The following PLCE1 variants were observed in gnomAD, a reference collection of about 807,000 sequenced individuals.
PLCE1 encodes 1-phosphatidylinositol 4,5-bisphosphate phosphodiesterase epsilon-1.
Under a neutral mutation model 242.8 loss-of-function variants are expected in PLCE1, and 119 were observed. The observed-to-expected ratio is 0.49, with a 90% confidence interval of 0.42 to 0.57. The LOEUF is 0.57. Among genes scored for constraint, PLCE1 ranks in the 20% least tolerant of loss-of-function variants. The probability of loss-of-function intolerance (pLI) is 0.00; values close to 1 mark genes in which losing one functional copy is unlikely to be tolerated. For synonymous variants in PLCE1, 945 were observed against 1,017.4 expected (o/e 0.93, Z 1.35); for missense variants, 2,441 against 2,788.8 (o/e 0.88, Z 2.81).
At chr10:94,194,379 C>T (rs1213186325) in intron 4 of PLCE1, among the ~76,000 whole-genome samples, 1 of 152,212 alleles carries the variant, frequency 6.6e-6, no homozygotes, top group Non-Finnish European at 1.5e-5. Flanking sequence ...TTGCTCTTCA[C>T]TGCTGACCAA....
chr10:94,139,745 G>A (rs1472524256), intron 3 of PLCE1, among the ~76,000 whole-genome samples: 1 of 152,066 alleles, frequency 6.6e-6, no homozygotes, highest in East Asian at 1.9e-4. Flanking sequence ...AGGGAGCCAG[G>A]GCTGGGTGGG....
intron 1 of PLCE1, among the ~76,000 whole-genome samples, chr10:94,018,422 G>T (rs917934439): frequency 6.6e-6 from 1 of 152,158 alleles, no homozygotes; most frequent in African/African-American, 2.4e-5. Context: ...AGAAGGCAAG[G>T]CCAACCCATG....
chr10:94,089,225 G>A (rs868343922), intron 2 of PLCE1: 2 of 1,614,086 alleles, frequency 1.2e-6, no homozygotes, highest in Middle Eastern at 3.3e-4. Flanking sequence ...CTCTTAGGCA[G>A]AGAGCCCCAG....
intron 7 of PLCE1, among the ~76,000 whole-genome samples, chr10:94,241,585 T>C (rs2050503968): frequency 6.6e-6 from 1 of 150,402 alleles, no homozygotes; most frequent in Non-Finnish European, 1.5e-5. Context: ...AGGTCAGGAG[T>C]TCAAGACCAG....
intron 4 of PLCE1, among the ~76,000 whole-genome samples, chr10:94,222,607 C>T (rs950318571): frequency 6.6e-6 from 1 of 152,212 alleles, no homozygotes; most frequent in Non-Finnish European, 1.5e-5. Flanking sequence ...TTATCAGACT[C>T]CTGAAGGCAG....
chr10:94,253,197 A>G lies in PLCE1; in HGVS notation c.3279+699A>G, dbSNP rs115410025. On this transcript the variant is annotated intron_variant, in intron 9 of 32. Coordinates refer to ENST00000371380, the MANE Select transcript of PLCE1 (RefSeq NM_016341.4). ...GGTAATTTATAAAGAAAGAAGGTTA[A>G]TTGACTCACAGTTCTGCAGGTGTAC... Among the ~76,000 whole-genome samples, 153 of 152,326 alleles carry G rather than the reference A, an allele frequency of 1.0e-3. 1 individual carries two copies. Among genetic ancestry groups the G allele is most frequent in the African/African-American group, 3.5e-3 (145 of 41,560 alleles).
intron 4 of PLCE1, among the ~76,000 whole-genome samples, chr10:94,222,550 A>G (rs1431111275): frequency 6.6e-6 from 1 of 152,128 alleles, no homozygotes; most frequent in East Asian, 1.9e-4. Flanking sequence ...GTGTGGACAC[A>G]CTCCAGGTGG....
chr10:94,105,629 T>C (rs1328327264), intron 2 of PLCE1: 1 of 152,224 alleles, frequency 6.6e-6, no homozygotes, highest in African/African-American at 2.4e-5. Context: ...CCCACTCATG[T>C]ATCCCAATCA....
intron 1 of PLCE1, among the ~76,000 whole-genome samples, chr10:93,997,228 C>T (rs116124512): frequency 0.011 from 1,743 of 152,252 alleles, 17 homozygotes; most frequent in Middle Eastern, 0.02. Flanking sequence ...TCTGAAGTGA[C>T]GTGAGGTTAT....
At chr10:94,272,959 G>A (rs753772606) in intron 18 of PLCE1, among the ~76,000 whole-genome samples, 7 of 152,010 alleles carry the variant, frequency 4.6e-5, no homozygotes, top group Non-Finnish European at 8.8e-5. Flanking sequence ...CTAGCACTTT[G>A]GGAGGCTGAG....
chr10:94,045,566 T>C (rs932037137), intron 2 of PLCE1, among the ~76,000 whole-genome samples: 2 of 152,102 alleles, frequency 1.3e-5, no homozygotes, highest in African/African-American at 2.4e-5. Context: ...AATCAAGGTC[T>C]CTATAGACTC....
In PLCE1 at chr10:94,324,423, G is replaced by A; in HGVS notation, c.6576G>A (p.Glu2192=). The change falls in exon 31 of 33, where the codon GAG becomes GAA. Residue 2192 remains glutamate, a synonymous_variant. Transcript: ENST00000371380. ...PNPSDYVLLE[E]VVKDTTNKKT... ...CAAGCGACTATGTGCTTTTGGAAGAGGTGGTGAAAGACACTACCAACAAGA... is the reference window on the plus strand; with the variant it reads ...CAAGCGACTATGTGCTTTTGGAAGAAGTGGTGAAAGACACTACCAACAAGA... The A allele has an allele frequency of 6.2e-7, 1 of 1,614,176 alleles. No individual in the cohort carries two copies. The highest frequency in any genetic ancestry group is 2.2e-5 in the East Asian group (1 of 44,884).
At chr10:94,222,443 G>A (rs934426518) in intron 4 of PLCE1, among the ~76,000 whole-genome samples, 4 of 152,162 alleles carry the variant, frequency 2.6e-5, no homozygotes, top group Non-Finnish European at 4.4e-5. Context: ...CTGCTTACCC[G>A]TGAGCATAGC....
intron 3 of PLCE1, among the ~76,000 whole-genome samples, chr10:94,159,909 G>A (rs1240506335): frequency 6.6e-6 from 1 of 152,006 alleles, no homozygotes; most frequent in Admixed American, 6.6e-5. Flanking sequence ...GAGAATGATG[G>A]TTTCCAGCTT....
rs760903665 is a variant in PLCE1 at position 94,268,936 on chromosome 10, T to C, written c.4289T>C (p.Leu1430Ser). 2 of 1,608,034 alleles carry C rather than the reference T, an allele frequency of 1.2e-6. No homozygotes were observed. ...CGCTCATTGATCACACAGGTCCTTT[T>C]GCAAGGCTGTCGAAGTGTAGAATTG... ...SSVELYSQVL[L>S]QGCRSVELDC... is the part of the protein sequence containing the mutation. Residue 1430 changes from leucine (L) to serine (S), a missense_variant, in exon 17 of 33, where the codon TTG (leucine) becomes TCG (serine). By Grantham distance (145) the Leu-to-Ser change is moderately radical (BLOSUM62 -2). This residue lies in a region of PLCE1 where 1,004 missense variants were observed against 1,322.7 expected (regional missense o/e 0.76). Coordinates refer to ENST00000371380, the MANE Select transcript of PLCE1 (RefSeq NM_016341.4).
At position 94,101,706 on chromosome 10, in the gene PLCE1, C is replaced by T. The variant is rs540877791; in HGVS notation, c.1207-30468C>T. Among the ~76,000 whole-genome samples the T allele has an allele frequency of 7.9e-5, 12 of 152,236 alleles. No individual in the cohort carries two copies. The South Asian group carries it at 2.5e-3, about 32-fold the overall frequency. ...GTGGCAGCAGGAGTGAGTCAGAGAGCCTGAGCTCTTTGGAGGGGCTGGCTT... is the reference window on the plus strand; with the variant it reads ...GTGGCAGCAGGAGTGAGTCAGAGAGTCTGAGCTCTTTGGAGGGGCTGGCTT... On this transcript the variant is annotated intron_variant, in intron 2 of 32. Transcript: ENST00000371380.
intron 22 of PLCE1, among the ~76,000 whole-genome samples, chr10:94,288,782 G>A (rs2052549166): frequency 6.6e-6 from 1 of 152,182 alleles, no homozygotes; most frequent in African/African-American, 2.4e-5. Context: ...GGAGCCACAT[G>A]GGGAGAGCCT....
At chr10:94,033,531 A>G (rs1253376243) in intron 2 of PLCE1, among the ~76,000 whole-genome samples, 1 of 152,154 alleles carries the variant, frequency 6.6e-6, no homozygotes, top group Admixed American at 6.6e-5. Context: ...ATTCAGAATT[A>G]AAGGAAATGC....
At position 94,265,859 on chromosome 10, in the gene PLCE1, G is replaced by T; in HGVS notation, c.4182G>T (p.Leu1394=). 6.2e-7 allele frequency: 1 copy of T among 1,613,952 alleles called. No individual in the cohort carries two copies. The highest frequency in any genetic ancestry group is 8.5e-7 in the Non-Finnish European group (1 of 1,179,920). Residue 1394 remains leucine, a synonymous_variant, in exon 16 of 33, where the codon CTG becomes CTT. Coordinates refer to ENST00000371380, the MANE Select transcript of PLCE1 (RefSeq NM_016341.4). ...AGTCACAGGAGAACATTAAAGAACT[G>T]CAGCTACCCCTCTCATACTATTACA... ...NDESQENIKE[L]QLPLSYYYIE... is the part of the protein sequence containing the mutation.
Sources: allele counts gnomAD v4.1 joint callset (sites outside exome capture counted in the v4.1 genomes callset), GRCh38; gene constraint gnomAD v4.1.1; regional missense constraint gnomAD v4.1.1; transcripts MANE v1.5; gene names NCBI Gene and HGNC (gene_info 2026-07-23, HGNC 2026-07-21).